USP34: variants seen among roughly 807,000 people sequenced by gnomAD.
USP34 encodes ubiquitin carboxyl-terminal hydrolase 34.
A neutral mutation model predicts 460.3 loss-of-function variants in USP34; 70 were observed. The observed-to-expected ratio is 0.15, with a 90% confidence interval of 0.13 to 0.19. USP34 has a LOEUF of 0.19. Ranked by LOEUF, USP34 falls within the 10% of genes least tolerant of loss-of-function variation. USP34 has a pLI of 1.00. For missense variants in USP34, 3,985 were observed against 4,236.2 expected, an observed-to-expected ratio of 0.94 and a Z score of 1.65; for synonymous variants, 1,647 against 1,405.3, an observed-to-expected ratio of 1.17 and a Z score of -3.85.
At chr2:61,396,000 T>C (rs1572999861) in intron 3 of USP34, among the ~76,000 whole-genome samples, 1 of 148,640 alleles carries the variant, frequency 6.7e-6, no homozygotes, top group South Asian at 2.1e-4. Context: ...GAGGTTGCAG[T>C]GAGCTGAAAT....
At chr2:61,305,091 C>A (rs957786682) in intron 27 of USP34, among the ~76,000 whole-genome samples, 1 of 152,078 alleles carries the variant, frequency 6.6e-6, no homozygotes, top group African/African-American at 2.4e-5. Context: ...TTTGGGAGGC[C>A]GAGGTGGGCC....
intron 8 of USP34, among the ~76,000 whole-genome samples, chr2:61,377,866 G>A (rs963594990): frequency 2.6e-5 from 4 of 152,176 alleles, no homozygotes; most frequent in Non-Finnish European, 5.9e-5. Context: ...AGTACTATAT[G>A]TTCGCATACG....
rs537575288 is a variant in USP34, at chr2:61,331,239, G to A, written c.2930+37C>T. 2.7e-4 allele frequency: 414 copies of A among 1,512,722 alleles called. 6 individuals carry two copies. In the South Asian group the frequency reaches 4.9e-3, roughly 18 times the overall value. 93.7% of individuals were successfully genotyped at this position (1,512,722 alleles called of 1,614,324 possible). On this transcript the variant is annotated intron_variant, in intron 20 of 79. Transcript: ENST00000398571. ...AATCATCTTTCAAAGGAAAGACATC[G>A]ACACAAATGTATTTAACCCAGTTGA...
chr2:61,404,035 G>C (rs916485120), intron 3 of USP34, among the ~76,000 whole-genome samples: 2 of 140,154 alleles, frequency 1.4e-5, no homozygotes, highest in Non-Finnish European at 3.1e-5. Context: ...GAACAGTAAG[G>C]AAAGAAGGAC....
chr2:61,470,184 C>T (rs1695905364), intron 1 of USP34, among the ~76,000 whole-genome samples: 1 of 152,160 alleles, frequency 6.6e-6, no homozygotes, highest in African/African-American at 2.4e-5. Context: ...CCACCCTGCT[C>T]CCGGGAGTTT....
intron 33 of USP34, among the ~76,000 whole-genome samples, chr2:61,289,305 A>C (rs1169377315): frequency 6.6e-6 from 1 of 152,220 alleles, no homozygotes; most frequent in African/African-American, 2.4e-5. Flanking sequence ...ACAAACTCTT[A>C]ATACTTACGG....
At chr2:61,313,513 T>C (rs1234973475) in intron 25 of USP34, among the ~76,000 whole-genome samples, 4 of 152,180 alleles carry the variant, frequency 2.6e-5, no homozygotes, top group Admixed American at 6.5e-5. Flanking sequence ...ACAGAAATTA[T>C]AGCAGACTTT....
chr2:61,251,774 A>G (rs1688588831), intron 48 of USP34, among the ~76,000 whole-genome samples: 2 of 152,210 alleles, frequency 1.3e-5, no homozygotes, highest in South Asian at 4.1e-4. Flanking sequence ...CTGTATTTAC[A>G]TAAGGTTTAA....
intron 21 of USP34, among the ~76,000 whole-genome samples, chr2:61,320,695 T>G (rs570256464): frequency 6.6e-6 from 1 of 151,976 alleles, no homozygotes; most frequent in Non-Finnish European, 1.5e-5. Context: ...GAAGACATTG[T>G]CTTTACAAAA....
At chr2:61,397,420 G>T (rs376641209) in intron 3 of USP34, among the ~76,000 whole-genome samples, 1 of 148,638 alleles carries the variant, frequency 6.7e-6, no homozygotes, top group African/African-American at 2.5e-5. Context: ...TCCAGCCTGG[G>T]AGACAAAATG....
At chr2:61,378,452 T>A in intron 7 of USP34, 28 bp from the exon 8 acceptor site, 3 of 1,514,658 alleles carry the variant, frequency 2.0e-6, no homozygotes, top group Non-Finnish European at 2.7e-6. Context: ...AAATTAAGGG[T>A]TTTTATTTCC....
rs554363680 is a variant in USP34 at position 61,338,139 on chromosome 2, T to C, written c.2744+1212A>G. Among the ~76,000 whole-genome samples, 13 of 152,182 alleles carry C rather than the reference T, an allele frequency of 8.5e-5. No homozygotes were observed. In the South Asian group the frequency reaches 1.0e-3, roughly 12 times the overall value. On this transcript the variant is annotated intron_variant, in intron 18 of 79. Coordinates refer to ENST00000398571, the MANE Select transcript of USP34 (RefSeq NM_014709.4). ...GAGTTGAAGACCAGCCTGGCCAACATGGTGAAACTCCATCTCTATGAAAGT... is the reference window on the plus strand; with the variant it reads ...GAGTTGAAGACCAGCCTGGCCAACACGGTGAAACTCCATCTCTATGAAAGT...
chr2:61,454,368 C>T (rs1017085599), intron 1 of USP34, among the ~76,000 whole-genome samples: 1 of 152,148 alleles, frequency 6.6e-6, no homozygotes, highest in Admixed American at 6.6e-5. Context: ...AAGTGATCCA[C>T]CTGCCTTGGC....
At position 61,199,211 on chromosome 2, in the gene USP34, T is replaced by C. The variant is rs371223788; in HGVS notation, c.9508+3929A>G. ...TTCAAATCTCATGGTGGTATTCATG[T>C]GATGTTATGTTTTCCTTTAATATTT... is the stretch of plus-strand genomic sequence containing the variant. On this transcript the variant is annotated intron_variant, in intron 75 of 79. Coordinates refer to ENST00000398571, the MANE Select transcript of USP34 (RefSeq NM_014709.4). Among the ~76,000 whole-genome samples, 3 of 152,152 alleles carry C rather than the reference T, an allele frequency of 2.0e-5. No homozygotes were observed. The East Asian group carries it at 5.8e-4, about 29-fold the overall frequency.
chr2:61,256,285 C>T, intron 48 of USP34, 99 bp downstream of exon 48: 2 of 1,095,372 alleles, frequency 1.8e-6, no homozygotes, highest in Non-Finnish European at 2.7e-6. Flanking sequence ...ATTTTACCTT[C>T]ATCATATAAT....
chr2:61,298,993 T>G, intron 29 of USP34, among the ~76,000 whole-genome samples: 1 of 151,890 alleles, frequency 6.6e-6, no homozygotes, highest in Non-Finnish European at 1.5e-5. Context: ...TTCTGCAAAT[T>G]TTTGTCCCCC....
At chr2:61,439,024 C>A (rs575234923) in intron 1 of USP34, among the ~76,000 whole-genome samples, 1 of 152,142 alleles carries the variant, frequency 6.6e-6, no homozygotes, top group East Asian at 1.9e-4. Flanking sequence ...CATATACAAA[C>A]AATACACTAC....
intron 1 of USP34, among the ~76,000 whole-genome samples, chr2:61,451,243 A>AAAAAAAAAAAAAAAAAAAAAAC (rs1695266949): frequency 6.7e-6 from 1 of 148,596 alleles, no homozygotes; most frequent in Non-Finnish European, 1.5e-5. Flanking sequence ...AAAAAAAAAA[A>AAAAAAAAAAAAAAAAAAAAAAC]AAGAAATGAA....
At chr2:61,257,456 T>C (rs1688749825) in intron 44 of USP34, 106 bp from the exon 45 acceptor site, 3 of 873,390 alleles carry the variant, frequency 3.4e-6, no homozygotes, top group Non-Finnish European at 4.8e-6. Flanking sequence ...GTAAATCTAC[T>C]AAGTTAGTTT....
Sources: allele counts gnomAD v4.1 joint callset (sites outside exome capture counted in the v4.1 genomes callset), GRCh38; gene constraint gnomAD v4.1.1; transcripts MANE v1.5; gene names NCBI Gene and HGNC (gene_info 2026-07-23, HGNC 2026-07-21).